KYAT3: variants seen among roughly 807,000 people sequenced by gnomAD.
The protein encoded by KYAT3 is kynurenine aminotransferase 3.
In KYAT3, 50 loss-of-function variants were observed where a neutral mutation model predicts 59.0. That is an observed-to-expected ratio of 0.85 (90% CI 0.68 to 1.07). The LOEUF is 1.07. Ranked by LOEUF, KYAT3 falls within the 50% of genes least tolerant of loss-of-function variation. The pLI, the probability that KYAT3 is intolerant of heterozygous loss-of-function variation, is 0.00. For missense variants in KYAT3, 497 were observed against 533.3 expected (o/e 0.93, Z 0.67); for synonymous variants, 148 against 177.0 (o/e 0.84, Z 1.30).
intron 8 of KYAT3, among the ~76,000 whole-genome samples, chr1:88,959,105 C>T (rs573345786): frequency 1.3e-5 from 2 of 151,996 alleles, no homozygotes; most frequent in East Asian, 1.9e-4. Flanking sequence ...TAGTGAGATG[C>T]TATCTCTACA....
At chr1:88,931,956 A>G (rs76596306), downstream of KYAT3, among the ~76,000 whole-genome samples, 2,193 of 148,768 alleles carry the variant, frequency 0.015, 54 homozygotes, top group African/African-American at 0.051. Context: ...TCACAGCTCA[A>G]TGGAAAAGAT....
the KYAT3 span, among the ~76,000 whole-genome samples, chr1:88,924,673 C>T: frequency 1.3e-5 from 2 of 152,218 alleles, no homozygotes; most frequent in Non-Finnish European, 2.9e-5. Flanking sequence ...TTGCCGCCAT[C>T]GCAGACTCGC....
chr1:88,925,560 G>A, the KYAT3 span, among the ~76,000 whole-genome samples: 6 of 152,076 alleles, frequency 3.9e-5, no homozygotes, highest in East Asian at 3.9e-4. Context: ...TACAGCTCTC[G>A]ATATGGGCAG....
intron 11 of KYAT3, among the ~76,000 whole-genome samples, chr1:88,943,796 A>G (rs1229638891): frequency 6.6e-6 from 1 of 152,236 alleles, no homozygotes; most frequent in Non-Finnish European, 1.5e-5. Context: ...AGTATTCATC[A>G]GTAAGATTAT....
At chr1:88,951,395 C>G (rs1675665472) in intron 10 of KYAT3, among the ~76,000 whole-genome samples, 1 of 151,874 alleles carries the variant, frequency 6.6e-6, no homozygotes. Context: ...CCACCATGCC[C>G]AGCTAATTTT....
chr1:88,938,833 C>T (rs1675131661), intron 13 of KYAT3, among the ~76,000 whole-genome samples: 2 of 152,306 alleles, frequency 1.3e-5, no homozygotes, highest in East Asian at 3.9e-4. Flanking sequence ...TTTATTCAAG[C>T]AGCCCCCACT....
chr1:88,925,011 A>G, the KYAT3 span, among the ~76,000 whole-genome samples: 1 of 152,206 alleles, frequency 6.6e-6, no homozygotes, highest in Non-Finnish European at 1.5e-5. Flanking sequence ...GAGCTCTGGG[A>G]GCAAGGACCC....
In KYAT3 at chr1:88,935,799, T is replaced by A. The variant is rs901027735; in HGVS notation, c.*384A>T. 2.5e-5 allele frequency: 10 copies of A among 397,896 alleles called. No individual in the cohort carries two copies. Among genetic ancestry groups the A allele is most frequent in the African/African-American group, 1.9e-4 (9 of 48,644 alleles). The allele number at this position is 397,896 out of a possible 1,614,324, so 24.6% of individuals were successfully genotyped here. On this transcript the variant is annotated 3_prime_UTR_variant, in exon 14 of 14. Transcript: ENST00000260508. ...CCGGCTAAAGTCAGATGAGTGTTTA[T>A]TGTTTGCCAGGCTTTTTGCATACAT... is the stretch of plus-strand genomic sequence containing the variant.
At chr1:88,964,229 T>G (rs1467415714) in intron 5 of KYAT3, among the ~76,000 whole-genome samples, 1 of 151,802 alleles carries the variant, frequency 6.6e-6, no homozygotes. Flanking sequence ...CACAAAAACA[T>G]CCTCACATGG....
At chr1:88,926,422 A>AC in the KYAT3 span, among the ~76,000 whole-genome samples, 1 of 151,454 alleles carries the variant, frequency 6.6e-6, no homozygotes, top group Admixed American at 6.6e-5. Context: ...CAAGCAATCC[A>AC]CCCCCCTCAC....
At chr1:88,972,187 C>T (rs766705023) in intron 2 of KYAT3, among the ~76,000 whole-genome samples, 3 of 152,350 alleles carry the variant, frequency 2.0e-5, no homozygotes, top group African/African-American at 7.2e-5. Context: ...GTCAGAAGAA[C>T]TCCCTCTTCC....
chr1:88,955,245 A>G lies in KYAT3; in HGVS notation c.788-20T>C, dbSNP rs745728650. ...AAGTAGCTAAACAGAGGAGGAAAAA[A>G]GGGTAAATATTGTTTTCCAATTAAT... On this transcript the variant is annotated intron_variant, in intron 8 of 13. Coordinates refer to ENST00000260508, the MANE Select transcript of KYAT3 (RefSeq NM_001008661.3). The G allele has an allele frequency of 5.4e-5, 79 of 1,456,564 alleles. No individual in the cohort carries two copies. The highest frequency in any genetic ancestry group is 3.5e-4 in the African/African-American group (25 of 71,710). 90.2% of individuals were successfully genotyped at this position (1,456,564 alleles called of 1,614,324 possible). A position where few individuals can be genotyped will look rare whatever the true frequency, so the allele number is the denominator to read the frequency against.
At chr1:88,966,618 T>G (rs1334487749) in intron 4 of KYAT3, among the ~76,000 whole-genome samples, 1 of 152,124 alleles carries the variant, frequency 6.6e-6, no homozygotes, top group Non-Finnish European at 1.5e-5. Context: ...GTAGGCTTTT[T>G]TTTCTTTTAG....
At chr1:88,927,195 T>C in the KYAT3 span, among the ~76,000 whole-genome samples, 1 of 152,162 alleles carries the variant, frequency 6.6e-6, no homozygotes, top group South Asian at 2.1e-4. Flanking sequence ...ATCCCTATGT[T>C]CTTTTTTCAG....
At position 88,949,264 on chromosome 1, in the gene KYAT3, T is replaced by C. The variant is rs768407349; in HGVS notation, c.968A>G (p.Gln323Arg). Residue 323 changes from glutamine (Q) to arginine (R), a missense_variant, in exon 11 of 14, where the codon CAA (glutamine) becomes CGA (arginine). Physicochemically the swap from Gln to Arg is conservative, Grantham distance 43. Transcript: ENST00000260508. Reference protein sequence around the residue: ...CATPLQEALAQAFWIDIKRMD... With the variant: ...CATPLQEALARAFWIDIKRMD... ...GCGCTTGATGTCAATCCAGAAAGCT[T>C]GAGCCAAGGCTTCCTGTTTGTTAAG... is the stretch of plus-strand genomic sequence containing the variant. 1 of 1,554,570 alleles carries C rather than the reference T, an allele frequency of 6.4e-7. No homozygotes were observed. Among genetic ancestry groups the C allele is most frequent in the Non-Finnish European group, 8.6e-7 (1 of 1,157,514 alleles).
In KYAT3 at chr1:88,949,282, T is replaced by A; in HGVS notation, c.955-5A>T. On this transcript the variant is annotated splice_region_variant and splice_polypyrimidine_tract_variant and intron_variant, in intron 10 of 13. Transcript: ENST00000260508. ...GAAAGCTTGAGCCAAGGCTTCCTGT[T>A]TGTTAAGAATCAAAAAATATGAAAA... 1 of 1,524,746 alleles carries A rather than the reference T, an allele frequency of 6.6e-7. No homozygotes were observed. The allele number at this position is 1,524,746 out of a possible 1,614,324, so 94.5% of individuals were successfully genotyped here.
Position 88,961,483 on chromosome 1 carries a change from C to G in KYAT3, c.564G>C (p.Trp188Cys). Reference sequence around the variant, plus strand: ...GATCTAATGTCCAGTCAGAACTAGACCATCTTTTTCCATAAACAGGTTTCT... The same window carrying G: ...GATCTAATGTCCAGTCAGAACTAGAGCATCTTTTTCCATAAACAGGTTTCT... ...LRSKPVYGKR[W>C]SSSDWTLDPQ... The change falls in exon 7 of 14, where the codon TGG becomes TGC. Residue 188 changes from tryptophan (W) to cysteine (C), a missense_variant. Trp to Cys is a radical substitution (Grantham distance 215, BLOSUM62 -2). Coordinates refer to ENST00000260508, the MANE Select transcript of KYAT3 (RefSeq NM_001008661.3). 3.7e-6 allele frequency: 6 copies of G among 1,611,640 alleles called. No homozygotes were observed. Among genetic ancestry groups the G allele is most frequent in the Non-Finnish European group, 5.1e-6 (6 of 1,178,628 alleles).
intron 13 of KYAT3, 31 bp downstream of exon 13, chr1:88,942,974 A>G (rs778649104): frequency 7.3e-7 from 1 of 1,376,928 alleles, no homozygotes; most frequent in South Asian, 1.2e-5. Flanking sequence ...AAGATACTAT[A>G]TATGTGTTTT....
intron 2 of KYAT3, chr1:88,981,263 AT>A (rs1465358555): frequency 6.6e-6 from 1 of 152,214 alleles, no homozygotes; most frequent in Non-Finnish European, 1.5e-5. Flanking sequence ...CCACAAAAAA[AT>A]GTTTCACTTA....
Sources: gnomAD v4.1 joint callset for allele counts (sites outside exome capture counted in the v4.1 genomes callset) on GRCh38, gnomAD v4.1.1 for gene constraint, MANE v1.5 for transcripts, NCBI Gene and HGNC (gene_info 2026-07-23, HGNC 2026-07-21) for gene names.